The following CDH18 variants were observed in gnomAD, a reference collection of about 807,000 sequenced individuals.
The protein encoded by CDH18 is cadherin 18.
A neutral mutation model predicts 67.9 loss-of-function variants in CDH18; 31 were observed. The ratio of observed to expected loss-of-function variants is 0.46; its 90% CI spans 0.34 to 0.62. The LOEUF (loss-of-function observed/expected upper bound fraction) is 0.62, where lower values mean the gene tolerates loss of function less well. CDH18 is among the 20% of genes least tolerant of loss of function. The pLI is 0.01. For missense variants in CDH18, 890 were observed against 975.5 expected, an observed-to-expected ratio of 0.91 and a Z score of 1.17; for synonymous variants, 362 against 347.2, an observed-to-expected ratio of 1.04 and a Z score of -0.48.
intron 1 of CDH18, among the ~76,000 whole-genome samples, chr5:20,360,978 T>C (rs1313461435): frequency 6.6e-6 from 1 of 152,102 alleles, no homozygotes; most frequent in Non-Finnish European, 1.5e-5. Context: ...GTGATTTTAT[T>C]TTAATACATT....
chr5:20,218,029 T>C (rs538726659), intron 2 of CDH18, among the ~76,000 whole-genome samples: 109 of 151,876 alleles, frequency 7.2e-4, no homozygotes, highest in African/African-American at 2.6e-3. Flanking sequence ...GCAAAGCAAA[T>C]ATTGTTAAAG....
intron 2 of CDH18, among the ~76,000 whole-genome samples, chr5:20,089,026 C>T (rs1414320144): frequency 1.3e-5 from 2 of 151,882 alleles, no homozygotes; most frequent in African/African-American, 4.8e-5. Flanking sequence ...GCTGTTTTTT[C>T]TGGTAGCTTT....
At chr5:20,290,618 C>T (rs12522283) in intron 1 of CDH18, among the ~76,000 whole-genome samples, 6,270 of 152,218 alleles carry the variant, frequency 0.041, 384 homozygotes, top group East Asian at 0.28. Context: ...ATTTGAGCCA[C>T]ATCCTGACAA....
intron 1 of CDH18, among the ~76,000 whole-genome samples, chr5:20,525,956 G>A (rs1447674001): frequency 6.6e-6 from 1 of 152,110 alleles, no homozygotes; most frequent in Non-Finnish European, 1.5e-5. Flanking sequence ...AGAGTGTCTT[G>A]TTTGACAATG....
intron 1 of CDH18, among the ~76,000 whole-genome samples, chr5:20,373,754 T>C (rs1164432572): frequency 6.6e-6 from 1 of 152,098 alleles, no homozygotes; most frequent in African/African-American, 2.4e-5. Flanking sequence ...CATAAGTGAA[T>C]GAGTAAATAT....
chr5:20,368,194 G>A (rs371705145), intron 1 of CDH18, among the ~76,000 whole-genome samples: 47 of 152,270 alleles, frequency 3.1e-4, no homozygotes, highest in African/African-American at 9.9e-4. Flanking sequence ...ATATGTAAGA[G>A]CTTCAGTAGT....
chr5:20,069,303 G>A (rs1743244494), intron 2 of CDH18, among the ~76,000 whole-genome samples: 1 of 152,064 alleles, frequency 6.6e-6, no homozygotes, highest in Non-Finnish European at 1.5e-5. Flanking sequence ...TCTCAAGCCT[G>A]AGGCTATGTG....
intron 2 of CDH18, among the ~76,000 whole-genome samples, chr5:20,031,233 G>A (rs1163705697): frequency 2.6e-5 from 4 of 151,954 alleles, no homozygotes; most frequent in Non-Finnish European, 2.9e-5. Flanking sequence ...AGGTGGCTAC[G>A]GTTGGATTAT....
intron 2 of CDH18, among the ~76,000 whole-genome samples, chr5:19,841,260 G>C (rs1022473086): frequency 6.6e-6 from 1 of 152,082 alleles, no homozygotes; most frequent in Non-Finnish European, 1.5e-5. Context: ...CCTTCCCTCT[G>C]ATTTAAATCA....
chr5:19,830,454 C>A (rs1030617587), intron 3 of CDH18, among the ~76,000 whole-genome samples: 2 of 152,002 alleles, frequency 1.3e-5, no homozygotes, highest in African/African-American at 4.8e-5. Flanking sequence ...CATCACTAAT[C>A]GTTAGATAAA....
At chr5:20,564,021 T>G (rs1020906848) in intron 1 of CDH18, among the ~76,000 whole-genome samples, 1 of 152,072 alleles carries the variant, frequency 6.6e-6, no homozygotes, top group African/African-American at 2.4e-5. Flanking sequence ...TTGATCAAAT[T>G]AGATCATGTT....
At position 20,260,018 on chromosome 5, in the gene CDH18, T is replaced by G. The variant is rs114441781; in HGVS notation, c.-579-4513A>C. Among the ~76,000 whole-genome samples, 155 of 152,124 alleles carry G rather than the reference T, an allele frequency of 1.0e-3. 1 individual carries two copies. The highest frequency in any genetic ancestry group is 3.6e-3 in the African/African-American group (149 of 41,552). Reference sequence around the variant, plus strand: ...GACTGCACAACCTTTAGTTAAAATCTTAGAAAGTTCAAAACGTCAAGAAGA... The same window carrying G: ...GACTGCACAACCTTTAGTTAAAATCGTAGAAAGTTCAAAACGTCAAGAAGA... On this transcript the variant is annotated intron_variant, in intron 1 of 14. Coordinates refer to the CDH18 transcript ENST00000507958.
At chr5:19,660,328 A>AT (rs1463553921) in intron 5 of CDH18, among the ~76,000 whole-genome samples, 1 of 152,212 alleles carries the variant, frequency 6.6e-6, no homozygotes, top group Non-Finnish European at 1.5e-5. Flanking sequence ...CATTATGAAC[A>AT]TTTCTCATTT....
intron 4 of CDH18, 79 bp downstream of exon 4, chr5:19,746,863 T>C (rs1338355539): frequency 9.1e-7 from 1 of 1,104,214 alleles, no homozygotes; most frequent in African/African-American, 1.6e-5. Flanking sequence ...TATATATAAG[T>C]AAAAATTGGT....
chr5:20,056,826 G>A (rs900417081), intron 2 of CDH18, among the ~76,000 whole-genome samples: 20 of 151,312 alleles, frequency 1.3e-4, no homozygotes, highest in Non-Finnish European at 2.4e-4. Context: ...TGGGACTACC[G>A]GCGCCCACCA....
chr5:19,790,406 G>C (rs532489413), intron 3 of CDH18, among the ~76,000 whole-genome samples: 4 of 152,064 alleles, frequency 2.6e-5, no homozygotes, highest in Non-Finnish European at 5.9e-5. Context: ...GCTATTTGCT[G>C]TCTATACAGT....
At chr5:19,487,606 A>T (rs1182258547) in intron 11 of CDH18, among the ~76,000 whole-genome samples, 1 of 152,170 alleles carries the variant, frequency 6.6e-6, no homozygotes, top group African/African-American at 2.4e-5. Context: ...TGTTCCTAGT[A>T]TTTCCATAAA....
intron 9 of CDH18, among the ~76,000 whole-genome samples, chr5:19,543,263 AT>A (rs1348881981): frequency 1.3e-5 from 2 of 151,912 alleles, no homozygotes; most frequent in East Asian, 3.9e-4. Context: ...ACGGATATAT[AT>A]TTTTTTATGT....
intron 2 of CDH18, among the ~76,000 whole-genome samples, chr5:19,903,331 T>C (rs1466200395): frequency 6.6e-6 from 1 of 151,544 alleles, no homozygotes; most frequent in African/African-American, 2.4e-5. Flanking sequence ...TACCAGAAAA[T>C]TAGAATTTTT....
Sources: gnomAD v4.1 joint callset for allele counts (sites outside exome capture counted in the v4.1 genomes callset) on GRCh38, gnomAD v4.1.1 for gene constraint, MANE v1.5 for transcripts, NCBI Gene and HGNC (gene_info 2026-07-23, HGNC 2026-07-21) for gene names.